The following BUB1B variants were observed in gnomAD, a reference collection of about 807,000 sequenced individuals.
BUB1B encodes the protein BUB1 mitotic checkpoint serine/threonine kinase B, also known as mitotic checkpoint serine/threonine-protein kinase BUB1 beta.
In BUB1B, 86 loss-of-function variants were observed where a neutral mutation model predicts 137.7. The observed-to-expected ratio is 0.62, with a 90% confidence interval of 0.52 to 0.75. The LOEUF is 0.75. BUB1B is among the 30% of genes least tolerant of loss of function. The pLI, the probability that BUB1B is intolerant of heterozygous loss-of-function variation, is 0.00. For missense variants in BUB1B, 1,130 were observed against 1,236.9 expected (o/e 0.91, Z 1.30); for synonymous variants, 420 against 417.9 (o/e 1.00, Z -0.06).
At chr15:40,187,216 C>T (rs1190641383) in intron 8 of BUB1B, among the ~76,000 whole-genome samples, 2 of 151,802 alleles carry the variant, frequency 1.3e-5, no homozygotes, top group East Asian at 1.9e-4. Flanking sequence ...AGCTCTACCT[C>T]CCAGGTTCAC....
intron 4 of BUB1B, among the ~76,000 whole-genome samples, chr15:40,172,795 C>T (rs992307409): frequency 6.6e-6 from 1 of 152,204 alleles, no homozygotes; most frequent in Non-Finnish European, 1.5e-5. Context: ...AATATTTTTA[C>T]ATCCTTAGTG....
intron 2 of BUB1B, 82 bp from the exon 3 acceptor site, chr15:40,169,980 A>G: frequency 8.9e-7 from 1 of 1,119,744 alleles, no homozygotes; most frequent in Non-Finnish European, 1.4e-6. Flanking sequence ...CCTACTTATT[A>G]CATGAATAAA....
chr15:40,169,636 CAG>C (rs1162575169), intron 2 of BUB1B, among the ~76,000 whole-genome samples: 2 of 91,358 alleles, frequency 2.2e-5, no homozygotes, highest in Admixed American at 1.5e-4. Context: ...TTTTTTGAGA[CAG>C]AGTCTTGCTT....
intron 2 of BUB1B, among the ~76,000 whole-genome samples, chr15:40,166,053 A>ATG (rs977289963): frequency 3.9e-5 from 6 of 152,042 alleles, no homozygotes; most frequent in Non-Finnish European, 7.4e-5. Flanking sequence ...GGTCCTTGCC[A>ATG]TGTTGGCTGT....
chr15:40,193,477 T>TC (rs1383363043), intron 8 of BUB1B, among the ~76,000 whole-genome samples: 1 of 137,728 alleles, frequency 7.3e-6, no homozygotes, highest in East Asian at 2.0e-4. Flanking sequence ...ACTTTTTTTT[T>TC]TTTTTTTTTT....
At chr15:40,192,606 T>C (rs369220611) in intron 8 of BUB1B, among the ~76,000 whole-genome samples, 7 of 152,236 alleles carry the variant, frequency 4.6e-5, no homozygotes, top group African/African-American at 1.4e-4. Flanking sequence ...ATTGTCTTTA[T>C]AGTTCTGCCC....
intron 20 of BUB1B, 145 bp downstream of exon 20, chr15:40,213,619 T>C: frequency 1.1e-6 from 1 of 874,300 alleles, no homozygotes; most frequent in Non-Finnish European, 1.8e-6. Flanking sequence ...CACTGCAGCC[T>C]CCATCTCCCA....
At chr15:40,209,487 T>C (rs1362641730) in intron 16 of BUB1B, 148 bp from the exon 17 acceptor site, 22 of 927,494 alleles carry the variant, frequency 2.4e-5, no homozygotes, top group South Asian at 4.2e-5. Context: ...CACAGTTTCA[T>C]AAACACCTGA....
At chr15:40,214,897 C>G (rs2140909050) in intron 20 of BUB1B, among the ~76,000 whole-genome samples, 1 of 111,066 alleles carries the variant, frequency 9.0e-6, no homozygotes, top group African/African-American at 3.5e-5. Context: ...CACCAAAAAT[C>G]CCCCCAAATT....
intron 10 of BUB1B, 171 bp downstream of exon 10, chr15:40,199,898 A>C (rs1194081473): frequency 3.2e-6 from 2 of 631,652 alleles, no homozygotes; most frequent in East Asian, 5.6e-5. Context: ...GGTGACTTCA[A>C]ATGGAATTTG....
At chr15:40,204,304 G>A (rs2037610366) in intron 14 of BUB1B, among the ~76,000 whole-genome samples, 1 of 152,162 alleles carries the variant, frequency 6.6e-6, no homozygotes, top group Admixed American at 6.5e-5. Context: ...AGTGATGTAA[G>A]AGTAATTAAT....
intron 5 of BUB1B, among the ~76,000 whole-genome samples, chr15:40,181,546 C>A (rs1378010025): frequency 6.6e-6 from 1 of 152,180 alleles, no homozygotes; most frequent in Non-Finnish European, 1.5e-5. Flanking sequence ...TCTGAGACTT[C>A]AGTTGCACAA....
intron 17 of BUB1B, 41 bp downstream of exon 17, chr15:40,209,816 A>T: frequency 5.0e-6 from 8 of 1,608,036 alleles, no homozygotes; most frequent in Non-Finnish European, 6.8e-6. Context: ...TCATGACAGT[A>T]TACAAATAAG....
chr15:40,164,565 A>G (rs1011380143), intron 1 of BUB1B, among the ~76,000 whole-genome samples: 1 of 152,098 alleles, frequency 6.6e-6, no homozygotes, highest in Non-Finnish European at 1.5e-5. Flanking sequence ...ATTCAATGGT[A>G]GGCATAGAAT....
intron 18 of BUB1B, among the ~76,000 whole-genome samples, chr15:40,211,948 G>A (rs536220001): frequency 6.0e-4 from 91 of 152,006 alleles, no homozygotes; most frequent in Middle Eastern, 6.8e-3. Context: ...TCAGCCTCCC[G>A]CGTAGCTGGG....
At chr15:40,213,219 A>T (rs1184128722) in intron 19 of BUB1B, 113 bp from the exon 20 acceptor site, 3 of 1,139,370 alleles carry the variant, frequency 2.6e-6, no homozygotes, top group Non-Finnish European at 3.9e-6. Flanking sequence ...AGAGGTGCCT[A>T]CGTTCCAGTA....
chr15:40,161,484 G>C (rs1436733369), intron 1 of BUB1B, among the ~76,000 whole-genome samples: 1 of 152,162 alleles, frequency 6.6e-6, no homozygotes, highest in Non-Finnish European at 1.5e-5. Flanking sequence ...AGAAGGCTGC[G>C]GGACCCCAGC....
At chr15:40,177,192 C>A (rs2037233494) in intron 5 of BUB1B, among the ~76,000 whole-genome samples, 1 of 152,090 alleles carries the variant, frequency 6.6e-6, no homozygotes, top group African/African-American at 2.4e-5. Flanking sequence ...TGTTCATTTT[C>A]TTAACTGTCT....
At chr15:40,215,384 A>G (rs1316096773) in intron 20 of BUB1B, among the ~76,000 whole-genome samples, 1 of 152,128 alleles carries the variant, frequency 6.6e-6, no homozygotes, top group African/African-American at 2.4e-5. Flanking sequence ...AGGAAGGAGA[A>G]TTGCTTGAAC....
Sources: gnomAD v4.1 joint callset for allele counts (sites outside exome capture counted in the v4.1 genomes callset) on GRCh38, gnomAD v4.1.1 for gene constraint, MANE v1.5 for transcripts, NCBI Gene and HGNC (gene_info 2026-07-23, HGNC 2026-07-21) for gene names.